The following MEI4 variants were observed in gnomAD, a reference collection of about 807,000 sequenced individuals.
MEI4 encodes meiotic double-stranded break formation protein 4, also known as meiosis-specific protein MEI4.
MEI4 carries 27 observed loss-of-function variants against 31.4 expected under a neutral mutation model. The observed-to-expected ratio is 0.86, with a 90% CI of 0.63 to 1.19. The LOEUF is 1.19. Among genes scored for constraint, MEI4 ranks in the 50% most tolerant of loss-of-function variants. The pLI, the probability that MEI4 is intolerant of heterozygous loss-of-function variation, is 0.00. For synonymous variants in MEI4, 122 were observed against 145.4 expected (o/e 0.84, Z 1.16); for missense variants, 329 against 398.9 (o/e 0.82, Z 1.49).
rs144791910 is a variant in MEI4 at position 77,661,758 on chromosome 6, C to T, written c.-15+8666C>T. On this transcript the variant is annotated intron_variant, in intron 1 of 4. Transcript: ENST00000684080. ...TGTGAGGCTGGAAGGAGATATTTTC[C>T]TTGGTCTAAGAACCATTTGCCTTGT... Among the ~76,000 whole-genome samples, 919 of 151,954 alleles carry T rather than the reference C, an allele frequency of 6.0e-3. 11 individuals are homozygous for T. The highest frequency in any genetic ancestry group is 0.021 in the African/African-American group (872 of 41,428).
intron 2 of MEI4, among the ~76,000 whole-genome samples, chr6:77,738,001 A>G (rs1767297628): frequency 6.6e-6 from 1 of 152,204 alleles, no homozygotes; most frequent in South Asian, 2.1e-4. Context: ...CAGGATTAGA[A>G]ATACAGATAA....
chr6:77,881,561 G>T (rs1018679026), intron 4 of MEI4, among the ~76,000 whole-genome samples: 1 of 152,186 alleles, frequency 6.6e-6, no homozygotes, highest in African/African-American at 2.4e-5. Context: ...GCTATATGCT[G>T]CTGCTCTTGC....
At chr6:77,677,693 G>C (rs1768870378) in intron 1 of MEI4, among the ~76,000 whole-genome samples, 1 of 152,100 alleles carries the variant, frequency 6.6e-6, no homozygotes, top group Non-Finnish European at 1.5e-5. Context: ...TTGTCTTTCA[G>C]AAGTCCAGAT....
intron 1 of MEI4, among the ~76,000 whole-genome samples, chr6:77,662,280 T>G (rs1768527585): frequency 6.6e-6 from 1 of 152,092 alleles, no homozygotes; most frequent in South Asian, 2.1e-4. Context: ...GAGTGGTGAT[T>G]AGGCCTGGTG....
In MEI4 at chr6:77,699,876, AGTGGCTGCAGAACAGCG is replaced by A. The variant is rs563066711; in HGVS notation, c.232+8981_232+8997del. On this transcript the variant is annotated intron_variant, in intron 2 of 4. Transcript: ENST00000684080. ...TCCTGTTTACCTGGGTGTCAGCAGC[AGTGGCTGCAGAACAGCG>A]GTGGCTGTAGAACAGCGGATTTTGG... 5.1e-4 allele frequency among the ~76,000 whole-genome samples: 77 copies of A among 151,654 alleles called. 1 individual carries two copies. In the East Asian group the frequency reaches 0.015, roughly 29 times the overall value.
chr6:77,801,136 T>G (rs1028527321), intron 3 of MEI4, among the ~76,000 whole-genome samples: 1 of 152,198 alleles, frequency 6.6e-6, no homozygotes, highest in African/African-American at 2.4e-5. Context: ...CTTTTGTTGG[T>G]TGGTAAGCTA....
intron 2 of MEI4, among the ~76,000 whole-genome samples, chr6:77,733,607 T>G (rs1767083163): frequency 6.6e-6 from 1 of 152,018 alleles, no homozygotes; most frequent in South Asian, 2.1e-4. Context: ...TTTTGAAGGG[T>G]TTTTTGTGCC....
chr6:77,808,644 A>G (rs966717410), intron 3 of MEI4, among the ~76,000 whole-genome samples: 1 of 152,174 alleles, frequency 6.6e-6, no homozygotes, highest in Admixed American at 6.5e-5. Context: ...TTTCAGAGAG[A>G]GTTTCATCAC....
At chr6:77,875,924 G>A (rs982708162) in intron 4 of MEI4, among the ~76,000 whole-genome samples, 2 of 152,132 alleles carry the variant, frequency 1.3e-5, no homozygotes, top group Non-Finnish European at 2.9e-5. Flanking sequence ...GTAATCCAGA[G>A]AGATTAGGTG....
At chr6:77,683,474 C>T (rs1768994875) in intron 1 of MEI4, among the ~76,000 whole-genome samples, 1 of 152,138 alleles carries the variant, frequency 6.6e-6, no homozygotes, top group Non-Finnish European at 1.5e-5. Flanking sequence ...TTAACTATGT[C>T]ACCATGTTGT....
At chr6:77,787,136 C>A (rs1221453007) in intron 3 of MEI4, among the ~76,000 whole-genome samples, 1 of 151,854 alleles carries the variant, frequency 6.6e-6, no homozygotes, top group African/African-American at 2.4e-5. Context: ...GATATGCAGA[C>A]TTTGATCTGA....
At chr6:77,777,525 G>C (rs1768482655) in intron 3 of MEI4, among the ~76,000 whole-genome samples, 1 of 152,054 alleles carries the variant, frequency 6.6e-6, no homozygotes. Flanking sequence ...GAATAAAATT[G>C]ACCATCCCAA....
chr6:77,668,207 A>G (rs1213760025), intron 1 of MEI4, among the ~76,000 whole-genome samples: 1 of 152,140 alleles, frequency 6.6e-6, no homozygotes, highest in Non-Finnish European at 1.5e-5. Flanking sequence ...TGATGTTATG[A>G]GAAATGAGGA....
At chr6:77,792,798 C>T (rs2127696785) in intron 3 of MEI4, among the ~76,000 whole-genome samples, 1 of 151,946 alleles carries the variant, frequency 6.6e-6, no homozygotes, top group Admixed American at 6.6e-5. Flanking sequence ...CTGCAAGCTC[C>T]AACTCCTGGG....
chr6:77,652,844 C>G (rs1768324418), upstream of MEI4, among the ~76,000 whole-genome samples: 1 of 152,156 alleles, frequency 6.6e-6, no homozygotes, highest in African/African-American at 2.4e-5. Context: ...CATCAAACAA[C>G]TGACTACATA....
At chr6:77,793,990 A>C (rs1026317140) in intron 3 of MEI4, among the ~76,000 whole-genome samples, 1 of 152,146 alleles carries the variant, frequency 6.6e-6, no homozygotes, top group Non-Finnish European at 1.5e-5. Flanking sequence ...CAAAAGACAC[A>C]GACTGGATGA....
intron 4 of MEI4, among the ~76,000 whole-genome samples, chr6:77,890,907 T>G (rs1385488669): frequency 6.6e-6 from 1 of 152,208 alleles, no homozygotes; most frequent in Admixed American, 6.5e-5. Flanking sequence ...ACATGTTCAC[T>G]TCCCCTTCCA....
chr6:77,769,375 A>T (rs1327200770), intron 3 of MEI4, among the ~76,000 whole-genome samples: 2 of 152,154 alleles, frequency 1.3e-5, no homozygotes, highest in African/African-American at 4.8e-5. Context: ...AAGTCCTGCC[A>T]CCATGGGCTA....
intron 2 of MEI4, among the ~76,000 whole-genome samples, chr6:77,726,560 A>G (rs1766826742): frequency 6.6e-6 from 1 of 152,200 alleles, no homozygotes; most frequent in African/African-American, 2.4e-5. Flanking sequence ...GTTTGGATTT[A>G]GTATGTCCAG....
Sources: allele counts gnomAD v4.1 joint callset (sites outside exome capture counted in the v4.1 genomes callset), GRCh38; gene constraint gnomAD v4.1.1; transcripts MANE v1.5; gene names NCBI Gene and HGNC (gene_info 2026-07-23, HGNC 2026-07-21).